The following FBLN1 variants were observed in gnomAD, a reference collection of about 807,000 sequenced individuals.
FBLN1 encodes fibulin 1.
In FBLN1, 34 loss-of-function variants were observed where a neutral mutation model predicts 89.7. That is an observed-to-expected ratio of 0.38 (90% confidence interval 0.29 to 0.50). The LOEUF is 0.50. Ranked by LOEUF, FBLN1 falls within the 20% of genes least tolerant of loss-of-function variation. The probability of loss-of-function intolerance (pLI) is 0.92; values close to 1 mark genes in which losing one functional copy is unlikely to be tolerated. For synonymous variants in FBLN1, 393 were observed against 391.3 expected (o/e 1.00, Z -0.05); for missense variants, 777 against 988.1 (o/e 0.79, Z 2.86).
intron 16 of FBLN1, among the ~76,000 whole-genome samples, chr22:45,585,298 C>T (rs1030198913): frequency 6.6e-6 from 1 of 152,222 alleles, no homozygotes; most frequent in African/African-American, 2.4e-5. Context: ...ACCTCTCCCC[C>T]TGGCCAGGCA....
In FBLN1 at chr22:45,542,183, G is replaced by A; in HGVS notation, c.1095G>A (p.Glu365=). Residue 365 remains glutamate (E), a synonymous_variant, in exon 10 of 17, where the codon GAG becomes GAA. Transcript: ENST00000327858. ...TGGACGAGTGCGCGCCACCTGCTGA[G>A]CCCTGTGGGAAGGGACATCGCTGCG... ...VDVDECAPPA[E]PCGKGHRCVN... The A allele has an allele frequency of 6.2e-7, 1 of 1,614,226 alleles. No homozygotes were observed. The highest frequency in any genetic ancestry group is 1.1e-5 in the South Asian group (1 of 91,090).
chr22:45,561,405 G>C lies in FBLN1; in HGVS notation c.1697+10790G>C, dbSNP rs2088849380. ...AGGAGCAACCAACCAGCTTCATTAT[G>C]TTCCTTGGTTCTCCACATATGATCA... On this transcript the variant is annotated intron_variant, in intron 14 of 16. Coordinates refer to ENST00000327858, the MANE Select transcript of FBLN1 (RefSeq NM_006486.3). This position sits in a 1 kb window ranked among gnomAD's most constrained non-coding sequence, Gnocchi z 4.7. 6.6e-6 allele frequency among the ~76,000 whole-genome samples: 1 copy of C among 152,178 alleles called. No individual in the cohort carries two copies.
At position 45,546,970 on chromosome 22, in the gene FBLN1, A is replaced by AGTGTGTTAACCTGAGGGAG. The variant is rs1253504005; in HGVS notation, c.1322-111_1322-93dup. The AGTGTGTTAACCTGAGGGAG allele has an allele frequency of 3.3e-6, 5 of 1,524,038 alleles. No homozygotes were observed. The East Asian group carries it at 9.0e-5, about 28-fold the overall frequency. The allele number at this position is 1,524,038 out of a possible 1,614,324, so 94.4% of individuals were successfully genotyped here. Reference sequence around the variant, plus strand: ...ACCCCCCGGGACCTCTGTCTCTCCGAGTGTGTTAACCTGAGGGAGGTGGAG... The same window carrying AGTGTGTTAACCTGAGGGAG: ...ACCCCCCGGGACCTCTGTCTCTCCGAGTGTGTTAACCTGAGGGAGGTGTGTTAACCTGAGGGAGGTGGAG... On this transcript the variant is annotated intron_variant, in intron 11 of 16. Transcript: ENST00000327858.
At position 45,575,715 on chromosome 22, in the gene FBLN1, C is replaced by T. The variant is rs760291463; in HGVS notation, c.1840+1062C>T. Among the ~76,000 whole-genome samples the T allele has an allele frequency of 4.1e-4, 63 of 152,104 alleles. No individual in the cohort carries two copies. The highest frequency in any genetic ancestry group is 8.1e-4 in the Non-Finnish European group (55 of 68,018). On this transcript the variant is annotated intron_variant, in intron 15 of 16. Coordinates refer to ENST00000327858, the MANE Select transcript of FBLN1 (RefSeq NM_006486.3). The surrounding 1 kb of genome is among the most constrained non-coding windows in gnomAD (Gnocchi z 6.3). ...GTTGTGTAACCTGCCATCACTGCAC[C>T]GTTTCTCTGGAGCAGGGCCTGGGCT...
rs2088492009 is a variant in FBLN1, at chr22:45,537,057, G to A, written c.922+1720G>A. ...CTCCCTCGGCCTCTGCTTGGCAGAC[G>A]CCCCTGGGTCCTGCCTTTGAGGTCA... is the stretch of plus-strand genomic sequence containing the variant. On this transcript the variant is annotated intron_variant, in intron 8 of 16. Coordinates refer to ENST00000327858, the MANE Select transcript of FBLN1 (RefSeq NM_006486.3). This position sits in a 1 kb window ranked among gnomAD's most constrained non-coding sequence, Gnocchi z 5.7. Among the ~76,000 whole-genome samples, 1 of 152,176 alleles carries A rather than the reference G, an allele frequency of 6.6e-6. No homozygotes were observed. The highest frequency in any genetic ancestry group is 2.4e-5 in the African/African-American group (1 of 41,446).
chr22:45,534,857 G>A (rs2088463718), intron 7 of FBLN1, among the ~76,000 whole-genome samples: 1 of 152,186 alleles, frequency 6.6e-6, no homozygotes, highest in Admixed American at 6.5e-5. Context: ...TGTGTTTGTT[G>A]CCACTAAGAT....
At chr22:45,509,398 G>C (rs1415920778) in intron 1 of FBLN1, among the ~76,000 whole-genome samples, 1 of 152,146 alleles carries the variant, frequency 6.6e-6, no homozygotes, top group Non-Finnish European at 1.5e-5. Flanking sequence ...CAAGACCCCT[G>C]TCATCTCCAT....
intron 14 of FBLN1, chr22:45,564,771 G>A (rs765738496): frequency 2.1e-5 from 27 of 1,274,862 alleles, no homozygotes; most frequent in African/African-American, 4.4e-5. Flanking sequence ...AAGACATCTC[G>A]CGTGCAGAAG....
intron 16 of FBLN1, among the ~76,000 whole-genome samples, chr22:45,586,205 C>T (rs887805690): frequency 5.9e-5 from 9 of 152,192 alleles, no homozygotes; most frequent in Non-Finnish European, 1.0e-4. Flanking sequence ...CCCCAGGAGA[C>T]GCCCTGTCCA....
chr22:45,531,106 C>T lies in FBLN1; in HGVS notation c.485-159C>T, dbSNP rs2088400387. Among the ~76,000 whole-genome samples the T allele has an allele frequency of 6.6e-6, 1 of 152,106 alleles. No individual in the cohort carries two copies. The highest frequency in any genetic ancestry group is 2.1e-4 in the South Asian group (1 of 4,820). ...CAATTATACATTTTCAAGTGTAATTCTAGCTTAAAGAGGATAAAGTTAATA... is the reference window on the plus strand; with the variant it reads ...CAATTATACATTTTCAAGTGTAATTTTAGCTTAAAGAGGATAAAGTTAATA... On this transcript the variant is annotated intron_variant, in intron 4 of 16. Coordinates refer to ENST00000327858, the MANE Select transcript of FBLN1 (RefSeq NM_006486.3). The surrounding 1 kb of genome is among the most constrained non-coding windows in gnomAD (Gnocchi z 4.9).
chr22:45,506,906 C>T (rs948064955), intron 1 of FBLN1, among the ~76,000 whole-genome samples: 1 of 152,214 alleles, frequency 6.6e-6, no homozygotes. Flanking sequence ...ATTTTGCCAG[C>T]ATATTTTATA....
intron 14 of FBLN1, chr22:45,558,205 G>T: frequency 3.0e-6 from 2 of 666,928 alleles, no homozygotes; most frequent in Admixed American, 2.1e-5. Context: ...ACCTGCTCAA[G>T]CCCGATCACG....
intron 14 of FBLN1, among the ~76,000 whole-genome samples, chr22:45,569,634 G>A (rs372046645): frequency 3.5e-5 from 5 of 142,752 alleles, no homozygotes; most frequent in African/African-American, 1.3e-4. Context: ...GCAAGACTCT[G>A]TCTCAAAAAA....
chr22:45,550,603 G>T lies in FBLN1; in HGVS notation c.1685G>T (p.Arg562Leu). 1 of 1,614,078 alleles carries T rather than the reference G, an allele frequency of 6.2e-7. No individual in the cohort carries two copies. Among genetic ancestry groups the T allele is most frequent in the East Asian group, 2.2e-5 (1 of 44,878 alleles). Residue 562 changes from arginine (R) to leucine (L), a missense_variant, in exon 14 of 17, where the codon CGC (arginine) becomes CTC (leucine). Transcript: ENST00000327858. The surrounding 1 kb of genome is among the most constrained non-coding windows in gnomAD (Gnocchi z 8.4). ...LAFECPENYR[R>L]SAATLQQEKT... ...TTCGAGTGCCCTGAGAACTACCGCC[G>T]CTCCGCAGCCACGTAAGTCCCTTGG...
rs533273135 is a variant in FBLN1 at position 45,518,736 on chromosome 22, C to T, written c.134C>T (p.Thr45Ile). The T allele has an allele frequency of 1.9e-6, 3 of 1,612,400 alleles. No homozygotes were observed. In the East Asian group the frequency reaches 6.7e-5, roughly 36 times the overall value. Reference protein sequence around the residue: ...ACCADGHRMATHQKDCSLPYA... With the variant: ...ACCADGHRMAIHQKDCSLPYA... ...TGTGCGGACGGACACCGGATGGCCA[C>T]TCATCAGAAGGACTGCTCGCTGCCA... The change falls in exon 2 of 17, where the codon ACT becomes ATT. Residue 45 changes from threonine to isoleucine, a missense_variant. Thr to Ile is a moderately conservative substitution (Grantham distance 89). Transcript: ENST00000327858.
At chr22:45,584,914 C>T (rs888815083) in intron 16 of FBLN1, among the ~76,000 whole-genome samples, 1 of 152,244 alleles carries the variant, frequency 6.6e-6, no homozygotes, top group Non-Finnish European at 1.5e-5. Context: ...CTTGAATTAT[C>T]TTATTCATTC....
In FBLN1 at chr22:45,565,243, G is replaced by A; in HGVS notation, c.1698-9268G>A. On this transcript the variant is annotated intron_variant, in intron 14 of 16. Transcript: ENST00000327858. ...TCTGAGCTTCCTTAGAACCTTCCATGGTTGTCTTTTCCCAGCAGATGAAGC... is the reference window on the plus strand; with the variant it reads ...TCTGAGCTTCCTTAGAACCTTCCATAGTTGTCTTTTCCCAGCAGATGAAGC... 7.8e-6 allele frequency: 11 copies of A among 1,410,156 alleles called. No individual in the cohort carries two copies. The South Asian group carries it at 9.6e-5, about 12-fold the overall frequency. 87.4% of individuals were successfully genotyped at this position (1,410,156 alleles called of 1,614,324 possible). A position where few individuals can be genotyped will look rare whatever the true frequency, so the allele number is the denominator to read the frequency against.
intron 16 of FBLN1, among the ~76,000 whole-genome samples, chr22:45,584,022 G>A (rs2089064297): frequency 6.6e-6 from 1 of 152,180 alleles, no homozygotes; most frequent in Non-Finnish European, 1.5e-5. Context: ...TGTCCCATAA[G>A]GCAGGGGCCC....
intron 7 of FBLN1, among the ~76,000 whole-genome samples, chr22:45,534,453 C>T (rs967821859): frequency 4.1e-4 from 63 of 152,228 alleles, no homozygotes; most frequent in African/African-American, 1.4e-3. Context: ...AGCCTTTCCC[C>T]GCCAAGCCTT....
Sources: gnomAD v4.1 joint callset for allele counts (sites outside exome capture counted in the v4.1 genomes callset) on GRCh38, gnomAD v4.1.1 for gene constraint, Gnocchi (gnomAD v3.1) non-coding constraint, MANE v1.5 for transcripts, NCBI Gene and HGNC (gene_info 2026-07-23, HGNC 2026-07-21) for gene names.